The following IMMT variants were observed in gnomAD, a reference collection of about 807,000 sequenced individuals.
The protein encoded by IMMT is inner membrane mitochondrial protein.
A neutral mutation model predicts 92.7 loss-of-function variants in IMMT; 40 were observed. The observed-to-expected ratio is 0.43, with a 90% CI of 0.34 to 0.56. The LOEUF (loss-of-function observed/expected upper bound fraction) is 0.56. IMMT is among the 20% of genes least tolerant of loss of function. IMMT has a pLI of 0.03. For synonymous variants in IMMT, 322 were observed against 336.1 expected (o/e 0.96, Z 0.46); for missense variants, 831 against 912.1 (o/e 0.91, Z 1.14).
intron 1 of IMMT, among the ~76,000 whole-genome samples, chr2:86,185,170 A>T (rs1672689361): frequency 7.0e-6 from 1 of 143,818 alleles, no homozygotes. Flanking sequence ...ACTCTGTCTT[A>T]AAAAAAAAAA....
chr2:86,195,215 G>A (rs1268500752), intron 1 of IMMT, 123 bp downstream of exon 1: 4 of 1,092,800 alleles, frequency 3.7e-6, no homozygotes, highest in Middle Eastern at 2.4e-4. Flanking sequence ...GGCCTCTCCC[G>A]ACGAGGGTGG....
chr2:86,162,583 C>T (rs1425872236), intron 7 of IMMT, among the ~76,000 whole-genome samples: 4 of 151,812 alleles, frequency 2.6e-5, no homozygotes, highest in Non-Finnish European at 5.9e-5. Context: ...CAGTGGCTCA[C>T]GCCTATAATC....
chr2:86,157,829 T>C (rs767835662), intron 10 of IMMT, among the ~76,000 whole-genome samples: 36 of 139,848 alleles, frequency 2.6e-4, no homozygotes, highest in Non-Finnish European at 4.9e-4. Context: ...GTACAAAAAA[T>C]TAGCCTGGTG....
At chr2:86,159,413 G>T in intron 9 of IMMT, 123 bp downstream of exon 9, 1 of 878,976 alleles carries the variant, frequency 1.1e-6, no homozygotes, top group South Asian at 1.4e-5. Context: ...CAGTAACAAC[G>T]AATACACTTT....
intron 12 of IMMT, among the ~76,000 whole-genome samples, chr2:86,148,306 G>T (rs1022116054): frequency 6.6e-6 from 1 of 152,156 alleles, no homozygotes; most frequent in Non-Finnish European, 1.5e-5. Flanking sequence ...CTACTTTGAA[G>T]AATCATTAAG....
At chr2:86,191,399 G>C (rs1398226531) in intron 1 of IMMT, among the ~76,000 whole-genome samples, 2 of 151,134 alleles carry the variant, frequency 1.3e-5, no homozygotes, top group East Asian at 3.9e-4. Flanking sequence ...CATTCAATCA[G>C]TTGAGGGCTC....
intron 4 of IMMT, among the ~76,000 whole-genome samples, chr2:86,171,957 ATATTTT>A (rs1553448791): frequency 0.062 from 8,319 of 133,364 alleles, 365 homozygotes; most frequent in African/African-American, 0.12. Flanking sequence ...TGTGTGTAGT[ATATTTT>A]TTTTTTTTTT....
intron 1 of IMMT, among the ~76,000 whole-genome samples, chr2:86,184,739 A>G (rs1261193212): frequency 1.6e-5 from 2 of 129,010 alleles, no homozygotes; most frequent in Non-Finnish European, 3.3e-5. Flanking sequence ...AAAGAAAAGC[A>G]AAAAAAAAAA....
At chr2:86,191,683 C>A (rs1673127173) in intron 1 of IMMT, among the ~76,000 whole-genome samples, 2 of 139,250 alleles carry the variant, frequency 1.4e-5, no homozygotes, top group Admixed American at 7.5e-5. Context: ...GTGGGGGGAT[C>A]ACAAGGTCAG....
At position 86,151,282 on chromosome 2, in the gene IMMT, T is replaced by G; in HGVS notation, c.1401+15A>C. Reference sequence around the variant, plus strand: ...GTCACTTTAAATGTTAGGCAACAATTCTCATTTCTCTTACCTTTCTGTCCT... The same window carrying G: ...GTCACTTTAAATGTTAGGCAACAATGCTCATTTCTCTTACCTTTCTGTCCT... On this transcript the variant is annotated intron_variant, in intron 12 of 14. Coordinates refer to ENST00000410111, the MANE Select transcript of IMMT (RefSeq NM_006839.3). 1 of 1,583,578 alleles carries G rather than the reference T, an allele frequency of 6.3e-7. No individual in the cohort carries two copies. Among genetic ancestry groups the G allele is most frequent in the East Asian group, 2.2e-5 (1 of 44,722 alleles).
chr2:86,162,208 G>A (rs1326729981), intron 7 of IMMT, 129 bp from the exon 8 acceptor site: 1 of 573,886 alleles, frequency 1.7e-6, no homozygotes, highest in African/African-American at 2.0e-5. Flanking sequence ...TGTTTCTCCA[G>A]AGTAAGAACT....
Position 86,170,742 on chromosome 2 carries a change from T to C in IMMT, c.655+7A>G. 1.9e-6 allele frequency: 3 copies of C among 1,560,414 alleles called. No homozygotes were observed. The highest frequency in any genetic ancestry group is 2.6e-6 in the Non-Finnish European group (3 of 1,148,402). On this transcript the variant is annotated splice_region_variant and intron_variant, in intron 6 of 14. Transcript: ENST00000410111. ...AAAATCCTTAAGAAGCTGTCTGGTT[T>C]ACATACACTCAATTTTAACTTGTTC...
At chr2:86,160,528 TGC>T (rs1243208630) in intron 8 of IMMT, among the ~76,000 whole-genome samples, 1 of 152,218 alleles carries the variant, frequency 6.6e-6, no homozygotes, top group Non-Finnish European at 1.5e-5. Context: ...ATGAGCATAA[TGC>T]CTTAAATCTC....
At chr2:86,167,630 G>A (rs1414012751) in intron 6 of IMMT, among the ~76,000 whole-genome samples, 1 of 151,800 alleles carries the variant, frequency 6.6e-6, no homozygotes, top group Non-Finnish European at 1.5e-5. Flanking sequence ...GACTACAGGT[G>A]CCTGCCACCA....
chr2:86,158,067 A>G (rs1163299820), intron 10 of IMMT, among the ~76,000 whole-genome samples: 1 of 152,254 alleles, frequency 6.6e-6, no homozygotes, highest in Non-Finnish European at 1.5e-5. Context: ...CGACTTCAGC[A>G]TCAAAGTTCT....
chr2:86,178,960 G>C (rs112075760), intron 3 of IMMT, among the ~76,000 whole-genome samples: 3,180 of 152,270 alleles, frequency 0.021, 119 homozygotes, highest in African/African-American at 0.072. Context: ...TACTCGGGAG[G>C]CTGAGGCAGG....
At chr2:86,181,220 T>C (rs1672414569) in intron 2 of IMMT, 79 bp downstream of exon 2, 1 of 1,050,760 alleles carries the variant, frequency 9.5e-7, no homozygotes, top group Admixed American at 1.8e-5. Context: ...TAGACAGCTA[T>C]TCCCATATTC....
chr2:86,180,157 TAACTC>T (rs1191361084), intron 2 of IMMT, among the ~76,000 whole-genome samples: 1 of 152,216 alleles, frequency 6.6e-6, no homozygotes, highest in Non-Finnish European at 1.5e-5. Flanking sequence ...ATCTACCCTT[TAACTC>T]AACATGTTCA....
intron 10 of IMMT, among the ~76,000 whole-genome samples, chr2:86,157,335 G>C (rs1675921717): frequency 6.6e-6 from 1 of 152,108 alleles, no homozygotes; most frequent in Non-Finnish European, 1.5e-5. Flanking sequence ...CAGTCTCCCT[G>C]GGTGGCCATC....
Sources: gnomAD v4.1 joint callset for allele counts (sites outside exome capture counted in the v4.1 genomes callset) on GRCh38, gnomAD v4.1.1 for gene constraint, MANE v1.5 for transcripts, NCBI Gene and HGNC (gene_info 2026-07-23, HGNC 2026-07-21) for gene names.